Variants in CDYL2 observed in about 807,000 individuals in gnomAD.
The protein encoded by CDYL2 is chromodomain Y-like protein 2.
Under a neutral mutation model 49.4 loss-of-function variants are expected in CDYL2, and 23 were observed. That is an observed-to-expected ratio of 0.47 (90% confidence interval 0.34 to 0.66). The LOEUF is 0.66. Among genes scored for constraint, CDYL2 ranks in the 30% least tolerant of loss-of-function variants. The pLI, the probability that CDYL2 is intolerant of heterozygous loss-of-function variation, is 0.01. For missense variants in CDYL2, 678 were observed against 656.4 expected (o/e 1.03, Z -0.36); for synonymous variants, 360 against 268.8 (o/e 1.34, Z -3.32).
At chr16:80,658,264 G>T (rs1908895242) in intron 2 of CDYL2, among the ~76,000 whole-genome samples, 2 of 152,058 alleles carry the variant, frequency 1.3e-5, no homozygotes, top group Non-Finnish European at 2.9e-5. Flanking sequence ...GTTAAAACAT[G>T]TTAAGATATA....
chr16:80,712,447 G>A (rs72807928), intron 1 of CDYL2, among the ~76,000 whole-genome samples: 22,514 of 151,574 alleles, frequency 0.15, 2,055 homozygotes, highest in South Asian at 0.23. Flanking sequence ...TCTCCATGTC[G>A]GCTGCGCCTC....
intron 1 of CDYL2, among the ~76,000 whole-genome samples, chr16:80,688,511 C>T (rs185025296): frequency 2.4e-4 from 37 of 152,316 alleles, no homozygotes; most frequent in Non-Finnish European, 4.6e-4. Flanking sequence ...GTTGACAAAA[C>T]TGCTTTTATA....
intron 1 of CDYL2, among the ~76,000 whole-genome samples, chr16:80,795,284 C>G (rs577152413): frequency 1.3e-5 from 2 of 152,242 alleles, no homozygotes; most frequent in African/African-American, 4.8e-5. Flanking sequence ...CTGTAAGTCA[C>G]TTATAAATCA....
At chr16:80,703,761 C>T (rs1904320501) in intron 1 of CDYL2, among the ~76,000 whole-genome samples, 1 of 152,146 alleles carries the variant, frequency 6.6e-6, no homozygotes, top group African/African-American at 2.4e-5. Context: ...TGCTGGTTAC[C>T]AGGACCCCTA....
intron 1 of CDYL2, among the ~76,000 whole-genome samples, chr16:80,716,455 T>G (rs1904803161): frequency 6.6e-6 from 1 of 151,308 alleles, no homozygotes; most frequent in South Asian, 2.1e-4. Context: ...GATGCATGGA[T>G]GGATGAATGG....
At chr16:80,770,295 A>G (rs1435077879) in intron 1 of CDYL2, among the ~76,000 whole-genome samples, 2 of 152,226 alleles carry the variant, frequency 1.3e-5, no homozygotes, top group Admixed American at 6.5e-5. Flanking sequence ...ACCTGGATAT[A>G]TACTTCAGAA....
At chr16:80,763,654 G>A (rs1328147666) in intron 1 of CDYL2, among the ~76,000 whole-genome samples, 1 of 151,988 alleles carries the variant, frequency 6.6e-6, no homozygotes, top group Non-Finnish European at 1.5e-5. Context: ...CATCAGAAAG[G>A]GTAAAACAAA....
At chr16:80,675,045 C>T (rs898606777) in intron 2 of CDYL2, among the ~76,000 whole-genome samples, 1 of 152,198 alleles carries the variant, frequency 6.6e-6, no homozygotes, top group African/African-American at 2.4e-5. Flanking sequence ...TAAGGAAAAT[C>T]ACCAGGACCA....
At chr16:80,640,152 CT>C (rs1310292634) in intron 2 of CDYL2, among the ~76,000 whole-genome samples, 1 of 152,158 alleles carries the variant, frequency 6.6e-6, no homozygotes, top group Non-Finnish European at 1.5e-5. Context: ...TAAGGGAGTG[CT>C]GGTATCACCG....
intron 2 of CDYL2, among the ~76,000 whole-genome samples, chr16:80,642,567 C>T (rs779357731): frequency 1.1e-4 from 17 of 152,102 alleles, no homozygotes; most frequent in East Asian, 1.9e-4. Context: ...TCCGTTTTCA[C>T]GCTGCTGACA....
intron 1 of CDYL2, among the ~76,000 whole-genome samples, chr16:80,737,382 T>G (rs899891916): frequency 5.3e-5 from 8 of 152,170 alleles, no homozygotes; most frequent in Admixed American, 4.6e-4. Flanking sequence ...GAGGAATCAT[T>G]ATCCCTATTT....
intron 1 of CDYL2, among the ~76,000 whole-genome samples, chr16:80,692,208 T>C (rs1335588109): frequency 1.3e-5 from 2 of 152,114 alleles, no homozygotes; most frequent in African/African-American, 4.8e-5. Flanking sequence ...GAAGGAGAGT[T>C]TGAGAATAGA....
chr16:80,665,076 G>T (rs1395839145), intron 2 of CDYL2, among the ~76,000 whole-genome samples: 1 of 152,148 alleles, frequency 6.6e-6, no homozygotes, highest in African/African-American at 2.4e-5. Context: ...CTAGCTCACA[G>T]CAGTCATTTA....
intron 2 of CDYL2, among the ~76,000 whole-genome samples, chr16:80,679,301 A>AACAC (rs3077515): frequency 4.8e-4 from 73 of 151,722 alleles, no homozygotes; most frequent in Non-Finnish European, 7.1e-4. Flanking sequence ...TAAACAAACA[A>AACAC]GGAGGGTGTC....
At chr16:80,631,709 G>C (rs560301209) in intron 3 of CDYL2, among the ~76,000 whole-genome samples, 12 of 152,238 alleles carry the variant, frequency 7.9e-5, no homozygotes, top group African/African-American at 2.9e-4. Flanking sequence ...ACCATAGAAA[G>C]AAAAGTGACC....
chr16:80,604,073 T>A lies in CDYL2; in HGVS notation c.*315A>T. Reference sequence around the variant, plus strand: ...GAAGAATGTGAAAGTGGTCTTCCCCTTCCTGGACCGTCATGGTGCATTTCA... The same window carrying A: ...GAAGAATGTGAAAGTGGTCTTCCCCATCCTGGACCGTCATGGTGCATTTCA... On this transcript the variant is annotated 3_prime_UTR_variant, in exon 7 of 7. Transcript: ENST00000570137. The A allele has an allele frequency of 2.9e-6, 1 of 346,982 alleles. No homozygotes were observed. Among genetic ancestry groups the A allele is most frequent in the Non-Finnish European group, 5.4e-6 (1 of 185,456 alleles). 21.5% of individuals were successfully genotyped at this position (346,982 alleles called of 1,614,324 possible).
At chr16:80,786,223 G>C (rs149055520) in intron 1 of CDYL2, among the ~76,000 whole-genome samples, 3 of 152,250 alleles carry the variant, frequency 2.0e-5, no homozygotes, top group African/African-American at 7.2e-5. Context: ...ATCTGACAAA[G>C]GGCTAATATC....
intron 1 of CDYL2, among the ~76,000 whole-genome samples, chr16:80,731,165 C>T (rs11150309): frequency 0.42 from 63,944 of 151,840 alleles, 16,157 homozygotes; most frequent in Middle Eastern, 0.6. Flanking sequence ...CAAGAGAAAA[C>T]AATTGACATG....
At chr16:80,744,947 G>A (rs1007368091) in intron 1 of CDYL2, among the ~76,000 whole-genome samples, 1 of 152,192 alleles carries the variant, frequency 6.6e-6, no homozygotes, top group South Asian at 2.1e-4. Context: ...GGCCTGGGAT[G>A]CCTCTGTAAA....
Sources: allele counts gnomAD v4.1 joint callset (sites outside exome capture counted in the v4.1 genomes callset), GRCh38; gene constraint gnomAD v4.1.1; transcripts MANE v1.5; gene names NCBI Gene and HGNC (gene_info 2026-07-23, HGNC 2026-07-21).